Variants in CSMD1 observed in about 807,000 individuals in gnomAD.
CSMD1 encodes the protein CUB and Sushi multiple domains 1, also known as CUB and sushi domain-containing protein 1.
CSMD1 carries 213 observed loss-of-function variants against 417.5 expected under a neutral mutation model. The observed-to-expected ratio is 0.51, with a 90% CI of 0.46 to 0.57. The LOEUF (loss-of-function observed/expected upper bound fraction) is 0.57. Among genes scored for constraint, CSMD1 ranks in the 20% least tolerant of loss-of-function variants. The probability of loss-of-function intolerance (pLI) is 0.00; values close to 1 mark genes in which losing one functional copy is unlikely to be tolerated. For synonymous variants in CSMD1, 2,862 were observed against 1,736.8 expected (o/e 1.65, Z -16.11); for missense variants, 6,923 against 4,529.7 (o/e 1.53, Z -15.17).
chr8:4,754,070 C>G (rs952863847), intron 1 of CSMD1, among the ~76,000 whole-genome samples: 1 of 152,006 alleles, frequency 6.6e-6, no homozygotes, highest in African/African-American at 2.4e-5. Context: ...GTATGCGTTG[C>G]TCACCATATT....
intron 1 of CSMD1, among the ~76,000 whole-genome samples, chr8:4,908,859 G>C (rs1391421062): frequency 6.6e-6 from 1 of 152,028 alleles, no homozygotes; most frequent in Non-Finnish European, 1.5e-5. Flanking sequence ...TAAAATATCT[G>C]ATAAATCATA....
At chr8:4,339,929 G>T (rs1800381880) in intron 3 of CSMD1, among the ~76,000 whole-genome samples, 1 of 152,008 alleles carries the variant, frequency 6.6e-6, no homozygotes, top group African/African-American at 2.4e-5. Context: ...GGGGCCTGAG[G>T]CAAGAGGATC....
chr8:3,747,934 AC>A (rs1402224327), intron 6 of CSMD1, among the ~76,000 whole-genome samples: 1 of 151,496 alleles, frequency 6.6e-6, no homozygotes, highest in Non-Finnish European at 1.5e-5. Context: ...CCTAGAAAAA[AC>A]CCTTGTCCCA....
intron 3 of CSMD1, among the ~76,000 whole-genome samples, chr8:4,412,769 A>C (rs1796719600): frequency 6.6e-6 from 1 of 152,190 alleles, no homozygotes; most frequent in Non-Finnish European, 1.5e-5. Flanking sequence ...TTACATTGAT[A>C]CCTATACTGA....
chr8:3,089,734 C>T (rs1340393467), intron 48 of CSMD1, among the ~76,000 whole-genome samples: 1 of 135,456 alleles, frequency 7.4e-6, no homozygotes, highest in East Asian at 2.2e-4. Flanking sequence ...TGACACGTGT[C>T]TATCTATCTG....
intron 7 of CSMD1, among the ~76,000 whole-genome samples, chr8:3,654,332 A>T (rs577606660): frequency 3.9e-5 from 6 of 152,196 alleles, no homozygotes; most frequent in Admixed American, 1.3e-4. Context: ...TTCATACTAG[A>T]GTTTGAAAAG....
intron 1 of CSMD1, among the ~76,000 whole-genome samples, chr8:4,652,236 G>C (rs181967374): frequency 2.0e-5 from 3 of 152,270 alleles, no homozygotes; most frequent in Admixed American, 6.5e-5. Flanking sequence ...GATGGGATTG[G>C]GGAAAATGAT....
Position 4,662,297 on chromosome 8 carries a change from G to C in CSMD1, c.86-24739C>G, listed in dbSNP as rs190162706. Among the ~76,000 whole-genome samples the C allele has an allele frequency of 7.9e-5, 12 of 152,154 alleles. No homozygotes were observed. The East Asian group carries it at 2.1e-3, about 27-fold the overall frequency. On this transcript the variant is annotated intron_variant, in intron 1 of 69. Coordinates refer to ENST00000635120, the MANE Select transcript of CSMD1 (RefSeq NM_033225.6). ...GTAGACAAATAAGAGGTTTCTAAAAGTAACTGAGTAATGAATTACTCAGAG... is the reference window on the plus strand; with the variant it reads ...GTAGACAAATAAGAGGTTTCTAAAACTAACTGAGTAATGAATTACTCAGAG...
At chr8:4,790,468 G>A (rs371738465) in intron 1 of CSMD1, among the ~76,000 whole-genome samples, 5 of 151,996 alleles carry the variant, frequency 3.3e-5, no homozygotes, top group Non-Finnish European at 4.4e-5. Flanking sequence ...TCCACAGAAT[G>A]AGAAAAAAAC....
intron 3 of CSMD1, among the ~76,000 whole-genome samples, chr8:4,072,333 T>G (rs1173679044): frequency 6.6e-6 from 1 of 152,204 alleles, no homozygotes; most frequent in African/African-American, 2.4e-5. Context: ...TACTTCTACT[T>G]GACACAAACG....
intron 3 of CSMD1, among the ~76,000 whole-genome samples, chr8:4,035,290 G>A (rs570410532): frequency 2.2e-4 from 34 of 152,132 alleles, no homozygotes; most frequent in African/African-American, 8.0e-4. Flanking sequence ...ATACAATTAG[G>A]TTCACTGCAT....
intron 15 of CSMD1, among the ~76,000 whole-genome samples, chr8:3,401,506 AATG>A (rs1812036334): frequency 2.0e-5 from 3 of 152,254 alleles, no homozygotes; most frequent in Admixed American, 1.3e-4. Flanking sequence ...CTAAAATAAT[AATG>A]ATCTCAGTAA....
intron 1 of CSMD1, among the ~76,000 whole-genome samples, chr8:4,761,302 G>C (rs779220466): frequency 6.6e-6 from 1 of 151,816 alleles, no homozygotes; most frequent in Non-Finnish European, 1.5e-5. Context: ...AAGGGATTTT[G>C]AACAACTAAT....
chr8:3,226,526 G>C (rs979231865), intron 27 of CSMD1, among the ~76,000 whole-genome samples: 4 of 149,038 alleles, frequency 2.7e-5, no homozygotes, highest in Non-Finnish European at 4.4e-5. Context: ...AGGCTGCAGT[G>C]AGCTGAGATC....
chr8:3,812,843 C>G (rs1217391874), intron 5 of CSMD1, among the ~76,000 whole-genome samples: 1 of 152,166 alleles, frequency 6.6e-6, no homozygotes, highest in Non-Finnish European at 1.5e-5. Context: ...ACATTTATTT[C>G]ATCACATCCT....
intron 2 of CSMD1, among the ~76,000 whole-genome samples, chr8:4,593,079 T>C (rs1368938167): frequency 6.6e-6 from 1 of 152,200 alleles, no homozygotes; most frequent in Non-Finnish European, 1.5e-5. Flanking sequence ...CTGCGATATC[T>C]TGCATAATGC....
chr8:4,061,254 G>C (rs1421725189), intron 3 of CSMD1, among the ~76,000 whole-genome samples: 1 of 152,130 alleles, frequency 6.6e-6, no homozygotes, highest in Non-Finnish European at 1.5e-5. Context: ...TTCTAAGTTA[G>C]ACACAGGCAT....
chr8:3,261,440 A>C (rs941178622), intron 26 of CSMD1, among the ~76,000 whole-genome samples: 16 of 152,220 alleles, frequency 1.1e-4, no homozygotes, highest in Admixed American at 4.6e-4. Context: ...GGGTGCGCCA[A>C]AATCCTACAA....
intron 2 of CSMD1, among the ~76,000 whole-genome samples, chr8:4,454,335 G>A (rs979152156): frequency 4.6e-5 from 7 of 152,150 alleles, no homozygotes; most frequent in Admixed American, 4.6e-4. Flanking sequence ...CAGTAGACAT[G>A]CAGCTTCATC....
Sources: gnomAD v4.1 joint callset for allele counts (sites outside exome capture counted in the v4.1 genomes callset) on GRCh38, gnomAD v4.1.1 for gene constraint, MANE v1.5 for transcripts, NCBI Gene and HGNC (gene_info 2026-07-23, HGNC 2026-07-21) for gene names.